The following GRIN2D variants were observed in gnomAD, a reference collection of about 807,000 sequenced individuals.
The protein encoded by GRIN2D is glutamate receptor ionotropic, NMDA 2D.
A neutral mutation model predicts 103.2 loss-of-function variants in GRIN2D; 37 were observed. The observed-to-expected ratio is 0.36, with a 90% CI of 0.28 to 0.47. The LOEUF (loss-of-function observed/expected upper bound fraction) is 0.47, where lower values mean the gene tolerates loss of function less well. GRIN2D is among the 20% of genes least tolerant of loss of function. The pLI is 1.00. For synonymous variants in GRIN2D, 845 were observed against 885.6 expected, an observed-to-expected ratio of 0.95 and a Z score of 0.81; for missense variants, 1,557 against 1,910.6, an observed-to-expected ratio of 0.81 and a Z score of 3.45.
intron 4 of GRIN2D, among the ~76,000 whole-genome samples, chr19:48,412,381 AAAG>A (rs1323537706): frequency 2.0e-5 from 3 of 150,246 alleles, no homozygotes; most frequent in East Asian, 1.9e-4. Flanking sequence ...AAAAAAAAGA[AAAG>A]AAGAAAGAGA....
At chr19:48,427,467 C>A (rs1347275704) in intron 11 of GRIN2D, among the ~76,000 whole-genome samples, 2 of 135,662 alleles carry the variant, frequency 1.5e-5, no homozygotes. Flanking sequence ...CCTATATCTT[C>A]TTTTCTTTTT....
chr19:48,405,237 C>A lies in GRIN2D; in HGVS notation c.969C>A (p.Gly323=). 3.1e-6 allele frequency: 5 copies of A among 1,596,164 alleles called. No individual in the cohort carries two copies. The South Asian group carries it at 3.3e-5, about 11-fold the overall frequency. ...ACCTGGCTCGGCGAGTGGCAGCTGG[C>A]GTGGCCGTAGTGGCCAGAGGTGCCC... ...RDDLARRVAA[G]VAVVARGAQA... is the part of the protein sequence containing the mutation. The change falls in exon 4 of 14, where the codon GGC becomes GGA. Residue 323 remains glycine, a synonymous_variant. Coordinates refer to ENST00000263269, the MANE Select transcript of GRIN2D (RefSeq NM_000836.4). The surrounding 1 kb of genome is among the most constrained non-coding windows in gnomAD (Gnocchi z 5.1).
At chr19:48,415,326 G>A (rs1246547288) in intron 7 of GRIN2D, among the ~76,000 whole-genome samples, 2 of 151,902 alleles carry the variant, frequency 1.3e-5, no homozygotes, top group African/African-American at 2.4e-5. Context: ...AGCGGAGATC[G>A]CGCCACTGCA....
In GRIN2D at chr19:48,394,529, G is replaced by C. The variant is rs367733669; in HGVS notation, c.-305-129G>C. ...AGAGGCGGGACTGGACACATGGAAA[G>C]GGGGGAGGAGCCGGGGCTGAAGCGG... On this transcript the variant is annotated intron_variant, in intron 1 of 13. Coordinates refer to ENST00000263269, the MANE Select transcript of GRIN2D (RefSeq NM_000836.4). The surrounding 1 kb of genome is among the most constrained non-coding windows in gnomAD (Gnocchi z 5.1). Among the ~76,000 whole-genome samples, 43 of 150,062 alleles carry C rather than the reference G, an allele frequency of 2.9e-4. No individual in the cohort carries two copies. In the East Asian group the frequency reaches 5.3e-3, roughly 19 times the overall value.
chr19:48,441,965 GCACACAGGGATTTC>G lies in GRIN2D; in HGVS notation c.2440+14_2440+27del, dbSNP rs757481834. 8 of 1,597,518 alleles carry G rather than the reference GCACACAGGGATTTC, an allele frequency of 5.0e-6. No individual in the cohort carries two copies. The African/African-American group carries it at 1.1e-4, about 21-fold the overall frequency. On this transcript the variant is annotated intron_variant, in intron 12 of 13. Coordinates refer to ENST00000263269, the MANE Select transcript of GRIN2D (RefSeq NM_000836.4). ...GCAGTTCCTGGGGGATGGTGCGGCT[GCACACAGGGATTTC>G]CACAGCGGAGAGGGGGAGGGCGAGG...
intron 3 of GRIN2D, among the ~76,000 whole-genome samples, chr19:48,399,425 G>A (rs1970683094): frequency 6.6e-6 from 1 of 152,164 alleles, no homozygotes; most frequent in Admixed American, 6.5e-5. Context: ...AAAATTAGCC[G>A]GGCGTTGTGG....
intron 3 of GRIN2D, among the ~76,000 whole-genome samples, chr19:48,400,384 C>T (rs1396169417): frequency 2.0e-5 from 3 of 152,214 alleles, no homozygotes; most frequent in Admixed American, 6.5e-5. Flanking sequence ...TCGTAGTCCT[C>T]TCCTGTCCAG....
intron 4 of GRIN2D, among the ~76,000 whole-genome samples, chr19:48,406,580 C>T (rs1172600823): frequency 1.3e-5 from 2 of 152,158 alleles, no homozygotes; most frequent in African/African-American, 4.8e-5. Flanking sequence ...AAAAGCATCC[C>T]TTCTTCATAA....
In GRIN2D at chr19:48,414,646, C is replaced by G. The variant is rs1970919321; in HGVS notation, c.1412+62C>G. Reference sequence around the variant, plus strand: ...CCCGCCTCCCGTGAAGCCCAGTAGTCTGGGCCCCCAGCCCCCTCCTCCCTT... The same window carrying G: ...CCCGCCTCCCGTGAAGCCCAGTAGTGTGGGCCCCCAGCCCCCTCCTCCCTT... On this transcript the variant is annotated intron_variant, in intron 6 of 13. Coordinates refer to ENST00000263269, the MANE Select transcript of GRIN2D (RefSeq NM_000836.4). This position sits in a 1 kb window ranked among gnomAD's most constrained non-coding sequence, Gnocchi z 4.6. The G allele has an allele frequency of 2.7e-6, 4 of 1,468,924 alleles. No individual in the cohort carries two copies. The highest frequency in any genetic ancestry group is 3.7e-6 in the Non-Finnish European group (4 of 1,076,756). 91.0% of individuals were successfully genotyped at this position (1,468,924 alleles called of 1,614,324 possible).
rs776544706 is a variant in GRIN2D, at chr19:48,421,666, A to G, written c.2092-119A>G. ...TAATGTAGTGAGCGAGTGTTGAGAA[A>G]TATTGAACACTCCTGGGACTGGGGT... On this transcript the variant is annotated intron_variant, in intron 10 of 13. Coordinates refer to ENST00000263269, the MANE Select transcript of GRIN2D (RefSeq NM_000836.4). The surrounding 1 kb of genome is among the most constrained non-coding windows in gnomAD (Gnocchi z 4.8). 37 of 773,926 alleles carry G rather than the reference A, an allele frequency of 4.8e-5. No homozygotes were observed. The highest frequency in any genetic ancestry group is 6.9e-5 in the Non-Finnish European group (32 of 461,862). The allele number at this position is 773,926 out of a possible 1,614,324, so 47.9% of individuals were successfully genotyped here. A position where few individuals can be genotyped will look rare whatever the true frequency, so the allele number is the denominator to read the frequency against.
intron 4 of GRIN2D, among the ~76,000 whole-genome samples, chr19:48,411,455 G>C (rs1480562705): frequency 6.6e-6 from 1 of 151,856 alleles, no homozygotes; most frequent in Non-Finnish European, 1.5e-5. Flanking sequence ...TTCAAGACCA[G>C]CCTGACCAAC....
intron 11 of GRIN2D, among the ~76,000 whole-genome samples, chr19:48,429,659 A>G (rs1971132577): frequency 6.6e-6 from 1 of 151,996 alleles, no homozygotes; most frequent in Admixed American, 6.6e-5. Context: ...TCGGCCTCCC[A>G]AAGTGCTGGG....
chr19:48,426,220 C>CTTTTTTTTTTTTTTT (rs1253186603), intron 11 of GRIN2D, among the ~76,000 whole-genome samples: 8 of 127,102 alleles, frequency 6.3e-5, no homozygotes, highest in African/African-American at 1.4e-4. Context: ...TTCTTTCTTT[C>CTTTTTTTTTTTTTTT]TTTCTTTTTT....
At chr19:48,438,467 T>G (rs1192409745) in intron 11 of GRIN2D, among the ~76,000 whole-genome samples, 2 of 151,586 alleles carry the variant, frequency 1.3e-5, no homozygotes, top group Admixed American at 6.6e-5. Context: ...TCTGGCTAAT[T>G]TTTTGTATTT....
Position 48,441,826 on chromosome 19 carries a change from C to G in GRIN2D, c.2310C>G (p.Asp770Glu). Residue 770 changes from aspartate to glutamate, a missense_variant, in exon 12 of 14, where the codon GAC becomes GAG. Around this residue, in one of 7 missense-constraint regions of GRIN2D, gnomAD observed 138 missense variants for 270.2 expected, o/e 0.51. Coordinates refer to ENST00000263269, the MANE Select transcript of GRIN2D (RefSeq NM_000836.4). Reference protein sequence around the residue: ...AAVLNYMARKDEGCKLVTIGS... With the variant: ...AAVLNYMARKEEGCKLVTIGS... Reference sequence around the variant, plus strand: ...TGCTCAATTACATGGCCCGCAAGGACGAGGGCTGCAAGCTTGTCACCATCG... The same window carrying G: ...TGCTCAATTACATGGCCCGCAAGGAGGAGGGCTGCAAGCTTGTCACCATCG... 6.2e-7 allele frequency: 1 copy of G among 1,613,990 alleles called. No individual in the cohort carries two copies. The highest frequency in any genetic ancestry group is 2.2e-5 in the East Asian group (1 of 44,890).
At position 48,414,675 on chromosome 19, in the gene GRIN2D, A is replaced by T. The variant is rs1970919702; in HGVS notation, c.1412+91A>T. ...GCCCCCAGCCCCCTCCTCCCTTGGGACCCAGGACCCACAAAGCCCTCCAGC... is the reference window on the plus strand; with the variant it reads ...GCCCCCAGCCCCCTCCTCCCTTGGGTCCCAGGACCCACAAAGCCCTCCAGC... On this transcript the variant is annotated intron_variant, in intron 6 of 13. Transcript: ENST00000263269. The surrounding 1 kb of genome is among the most constrained non-coding windows in gnomAD (Gnocchi z 4.6). 8 of 1,309,090 alleles carry T rather than the reference A, an allele frequency of 6.1e-6. No homozygotes were observed. In the South Asian group the frequency reaches 1.1e-4, roughly 17 times the overall value. The allele number at this position is 1,309,090 out of a possible 1,614,324, so 81.1% of individuals were successfully genotyped here. A position where few individuals can be genotyped will look rare whatever the true frequency, so the allele number is the denominator to read the frequency against.
At position 48,419,292 on chromosome 19, in the gene GRIN2D, C is replaced by T; in HGVS notation, c.1794C>T (p.Ala598=). 1.9e-6 allele frequency: 3 copies of T among 1,611,264 alleles called. No individual in the cohort carries two copies. The highest frequency in any genetic ancestry group is 2.5e-6 in the Non-Finnish European group (3 of 1,179,722). The part of the protein sequence containing the change: ...MMFVMCLTVV[A]VTVFIFEYLS... Reference sequence around the variant, plus strand: ...TCGTCATGTGCCTCACTGTGGTCGCCGTCACTGTTTTCATCTTCGAGTACC... The same window carrying T: ...TCGTCATGTGCCTCACTGTGGTCGCTGTCACTGTTTTCATCTTCGAGTACC... The change falls in exon 9 of 14, where the codon GCC becomes GCT. Residue 598 remains alanine (A), a synonymous_variant. Transcript: ENST00000263269.
chr19:48,399,386 G>A (rs1158829173), intron 3 of GRIN2D, among the ~76,000 whole-genome samples: 3 of 152,166 alleles, frequency 2.0e-5, no homozygotes, highest in Non-Finnish European at 4.4e-5. Flanking sequence ...TGGCCAACAT[G>A]GTGAAACCCC....
intron 3 of GRIN2D, among the ~76,000 whole-genome samples, chr19:48,400,902 C>A (rs1408415275): frequency 6.6e-6 from 1 of 152,000 alleles, no homozygotes; most frequent in Non-Finnish European, 1.5e-5. Flanking sequence ...CCCATCTCTG[C>A]TGAAAATATG....
Sources: allele counts gnomAD v4.1 joint callset (sites outside exome capture counted in the v4.1 genomes callset), GRCh38; gene constraint gnomAD v4.1.1; regional missense constraint gnomAD v4.1.1; non-coding constraint Gnocchi (gnomAD v3.1); transcripts MANE v1.5; gene names NCBI Gene and HGNC (gene_info 2026-07-23, HGNC 2026-07-21).